The following RBFOX1 variants were observed in gnomAD, a reference collection of about 807,000 sequenced individuals.
The protein encoded by RBFOX1 is RNA binding fox-1 homolog 1, also known as RNA binding protein fox-1 homolog 1.
A neutral mutation model predicts 57.7 loss-of-function variants in RBFOX1; 8 were observed. The ratio of observed to expected loss-of-function variants is 0.14; its 90% confidence interval spans 0.08 to 0.25. RBFOX1 has a LOEUF of 0.25. Among genes scored for constraint, RBFOX1 ranks in the 10% least tolerant of loss-of-function variants. The probability of loss-of-function intolerance (pLI) is 1.00; values close to 1 mark genes in which losing one functional copy is unlikely to be tolerated. For synonymous variants in RBFOX1, 326 were observed against 222.4 expected (o/e 1.47, Z -4.15); for missense variants, 611 against 548.5 (o/e 1.11, Z -1.14).
intron 3 of RBFOX1, among the ~76,000 whole-genome samples, chr16:7,021,667 C>T (rs910987596): frequency 4.7e-5 from 7 of 148,312 alleles, no homozygotes; most frequent in Non-Finnish European, 6.0e-5. Flanking sequence ...TTTCCCTCAG[C>T]CTATTTGCAC....
chr16:7,362,852 T>C (rs2097355894), intron 4 of RBFOX1, among the ~76,000 whole-genome samples: 1 of 152,182 alleles, frequency 6.6e-6, no homozygotes, highest in Admixed American at 6.5e-5. Flanking sequence ...CATGTACGTT[T>C]TATAATGTAC....
At chr16:6,942,577 G>A (rs1052684452) in intron 3 of RBFOX1, among the ~76,000 whole-genome samples, 6 of 152,112 alleles carry the variant, frequency 3.9e-5, no homozygotes, top group Non-Finnish European at 8.8e-5. Flanking sequence ...AGTAGACTAA[G>A]GCAAGTGATT....
chr16:5,749,457 G>C (rs556641432), intron 3 of RBFOX1, among the ~76,000 whole-genome samples: 7 of 151,950 alleles, frequency 4.6e-5, no homozygotes, highest in Non-Finnish European at 5.9e-5. Context: ...ATCCTGCAGA[G>C]TGTTTTCCAA....
chr16:7,531,919 G>A (rs1215429170), intron 5 of RBFOX1, among the ~76,000 whole-genome samples: 2 of 151,958 alleles, frequency 1.3e-5, no homozygotes, highest in African/African-American at 4.8e-5. Context: ...CTTCCCCAGT[G>A]GCATCCAGTG....
At chr16:6,155,923 C>G (rs1482560690) in intron 1 of RBFOX1, among the ~76,000 whole-genome samples, 2 of 152,142 alleles carry the variant, frequency 1.3e-5, no homozygotes, top group African/African-American at 4.8e-5. Context: ...GAAATGCCTT[C>G]TTTGCCAGGC....
intron 2 of RBFOX1, among the ~76,000 whole-genome samples, chr16:6,519,880 A>T (rs1407339339): frequency 6.6e-6 from 1 of 152,192 alleles, no homozygotes; most frequent in Non-Finnish European, 1.5e-5. Context: ...GAACTAAGGC[A>T]ACTGATATAT....
intron 3 of RBFOX1, among the ~76,000 whole-genome samples, chr16:7,022,591 T>C (rs1234879243): frequency 6.6e-6 from 1 of 152,108 alleles, no homozygotes; most frequent in African/African-American, 2.4e-5. Flanking sequence ...TTATCTAATA[T>C]TTATTGGGAA....
chr16:5,433,229 A>G (rs912060315), intron 1 of RBFOX1, among the ~76,000 whole-genome samples: 2 of 152,162 alleles, frequency 1.3e-5, no homozygotes, highest in Non-Finnish European at 2.9e-5. Context: ...GGAAGCTGTT[A>G]CGGTGCAGGA....
At chr16:6,591,312 G>A (rs982939190) in intron 2 of RBFOX1, among the ~76,000 whole-genome samples, 4 of 152,080 alleles carry the variant, frequency 2.6e-5, no homozygotes, top group African/African-American at 7.2e-5. Context: ...AGTATTAGCC[G>A]GTGCAGTGGT....
intron 3 of RBFOX1, among the ~76,000 whole-genome samples, chr16:6,888,244 A>G (rs2064589263): frequency 6.6e-6 from 1 of 152,204 alleles, no homozygotes; most frequent in South Asian, 2.1e-4. Flanking sequence ...AATGAAAAGA[A>G]AATGAAGGAC....
intron 3 of RBFOX1, among the ~76,000 whole-genome samples, chr16:5,836,841 T>C (rs1396776260): frequency 6.6e-6 from 1 of 152,176 alleles, no homozygotes; most frequent in Non-Finnish European, 1.5e-5. Context: ...AGAATGCTTG[T>C]CCACATCAGC....
chr16:5,422,103 C>G (rs2067346691), intron 1 of RBFOX1, among the ~76,000 whole-genome samples: 2 of 152,160 alleles, frequency 1.3e-5, no homozygotes, highest in African/African-American at 4.8e-5. Context: ...GAAAATCTAG[C>G]CCATGCGAAT....
intron 7 of RBFOX1, among the ~76,000 whole-genome samples, chr16:7,589,834 G>A (rs1343525183): frequency 6.6e-6 from 1 of 151,716 alleles, no homozygotes; most frequent in Non-Finnish European, 1.5e-5. Context: ...TTACGAGCCA[G>A]GAACTCACCT....
intron 3 of RBFOX1, among the ~76,000 whole-genome samples, chr16:6,981,767 G>A (rs1406848242): frequency 6.6e-6 from 1 of 152,098 alleles, no homozygotes; most frequent in Non-Finnish European, 1.5e-5. Flanking sequence ...TTTCCCGCCT[G>A]GTTCCCCCAG....
At chr16:5,256,991 G>A (rs1187080918) in intron 1 of RBFOX1, among the ~76,000 whole-genome samples, 1 of 151,958 alleles carries the variant, frequency 6.6e-6, no homozygotes, top group Non-Finnish European at 1.5e-5. Flanking sequence ...CCTGGGGGAG[G>A]CAATTTGTCA....
chr16:5,639,761 A>C (rs1306672231), intron 3 of RBFOX1, among the ~76,000 whole-genome samples: 2 of 152,042 alleles, frequency 1.3e-5, no homozygotes, highest in African/African-American at 4.8e-5. Flanking sequence ...AATTTACTGG[A>C]GTGTCTGGCA....
chr16:7,162,888 C>A (rs7195328), intron 4 of RBFOX1, among the ~76,000 whole-genome samples: 32,310 of 152,096 alleles, frequency 0.21, 4,057 homozygotes, highest in East Asian at 0.42. Context: ...CCCTGGTCCT[C>A]CTTCCAAATG....
chr16:6,256,186 C>G (rs77712830), intron 1 of RBFOX1, among the ~76,000 whole-genome samples: 1 of 36,602 alleles, frequency 2.7e-5, no homozygotes, highest in African/African-American at 1.2e-4. Flanking sequence ...TATATATATA[C>G]GTATATATAT....
chr16:6,902,419 G>T (rs1056931764), intron 3 of RBFOX1, among the ~76,000 whole-genome samples: 2 of 152,162 alleles, frequency 1.3e-5, no homozygotes, highest in African/African-American at 4.8e-5. Flanking sequence ...ATACTCAGAA[G>T]ACCCAAGAGG....
Sources: gnomAD v4.1 joint callset for allele counts (sites outside exome capture counted in the v4.1 genomes callset) on GRCh38, gnomAD v4.1.1 for gene constraint, MANE v1.5 for transcripts, NCBI Gene and HGNC (gene_info 2026-07-23, HGNC 2026-07-21) for gene names.